SCFD2: variants seen among roughly 807,000 people sequenced by gnomAD.
SCFD2 encodes sec1 family domain containing 2.
SCFD2 carries 54 observed loss-of-function variants against 58.9 expected under a neutral mutation model. The observed-to-expected ratio is 0.92, with a 90% CI of 0.74 to 1.15. The LOEUF is 1.15. SCFD2 is among the 50% of genes most tolerant of loss of function. The probability of loss-of-function intolerance (pLI) is 0.00; values close to 1 mark genes in which losing one functional copy is unlikely to be tolerated. For synonymous variants in SCFD2, 321 were observed against 335.9 expected (o/e 0.96, Z 0.49); for missense variants, 805 against 836.6 (o/e 0.96, Z 0.47).
chr4:53,095,597 CAGAT>C (rs1724600077), intron 5 of SCFD2, among the ~76,000 whole-genome samples: 1 of 152,080 alleles, frequency 6.6e-6, no homozygotes, highest in African/African-American at 2.4e-5. Flanking sequence ...AAATGTATGA[CAGAT>C]AATTTCACTC....
At chr4:52,895,215 C>A (rs1159096171) in intron 7 of SCFD2, among the ~76,000 whole-genome samples, 1 of 152,014 alleles carries the variant, frequency 6.6e-6, no homozygotes, top group Non-Finnish European at 1.5e-5. Context: ...TACATGTGCA[C>A]AACGTACAGG....
intron 5 of SCFD2, among the ~76,000 whole-genome samples, chr4:53,093,969 C>A (rs971848667): frequency 2.0e-5 from 3 of 151,980 alleles, no homozygotes; most frequent in African/African-American, 4.8e-5. Flanking sequence ...TTGAAATTTT[C>A]TTTAATATTT....
chr4:52,992,980 G>C (rs1215998985), intron 5 of SCFD2, among the ~76,000 whole-genome samples: 1 of 151,906 alleles, frequency 6.6e-6, no homozygotes, highest in Admixed American at 6.6e-5. Flanking sequence ...AAAAGATAGA[G>C]AAATCAGATT....
chr4:53,034,645 T>C (rs955438561), intron 5 of SCFD2, among the ~76,000 whole-genome samples: 6 of 152,192 alleles, frequency 3.9e-5, no homozygotes, highest in East Asian at 1.9e-4. Context: ...ACAAAATCAA[T>C]GTGCAAAGAT....
chr4:52,973,427 G>C (rs1301041384), intron 5 of SCFD2, among the ~76,000 whole-genome samples: 1 of 152,172 alleles, frequency 6.6e-6, no homozygotes, highest in African/African-American at 2.4e-5. Context: ...AGAAGACATG[G>C]ATAAATTCCT....
intron 5 of SCFD2, among the ~76,000 whole-genome samples, chr4:53,006,769 C>T (rs1721977938): frequency 1.3e-5 from 2 of 152,110 alleles, no homozygotes; most frequent in Admixed American, 6.5e-5. Flanking sequence ...ACATGTAAAA[C>T]TCATTTTCAT....
chr4:53,273,572 AGGTTAGTCCAAT>A, intron 4 of SCFD2: 1 of 318,616 alleles, frequency 3.1e-6, no homozygotes, highest in Non-Finnish European at 5.7e-6. Context: ...AGGTGTCCAG[AGGTTAGTCCAAT>A]GCTCAAAAAA....
intron 5 of SCFD2, among the ~76,000 whole-genome samples, chr4:52,932,590 A>C (rs1720024511): frequency 6.6e-6 from 1 of 152,008 alleles, no homozygotes; most frequent in African/African-American, 2.4e-5. Flanking sequence ...ATATGGGATT[A>C]TTTTCTGATC....
chr4:53,227,017 C>T (rs1481263228), intron 4 of SCFD2, among the ~76,000 whole-genome samples: 1 of 152,154 alleles, frequency 6.6e-6, no homozygotes, highest in African/African-American at 2.4e-5. Context: ...TGTCCTGGAC[C>T]TTCTCATCCT....
At chr4:53,254,822 T>C (rs1730538909) in intron 4 of SCFD2, among the ~76,000 whole-genome samples, 1 of 133,162 alleles carries the variant, frequency 7.5e-6, no homozygotes, top group African/African-American at 3.2e-5. Flanking sequence ...TTTATTTTAT[T>C]TTATTTTATT....
intron 5 of SCFD2, among the ~76,000 whole-genome samples, chr4:53,089,932 A>G (rs146222098): frequency 1.3e-5 from 2 of 152,324 alleles, no homozygotes; most frequent in Non-Finnish European, 2.9e-5. Flanking sequence ...CTCAACCATT[A>G]AAAGGAAATT....
At chr4:53,341,184 A>G (rs1286995711) in intron 2 of SCFD2, among the ~76,000 whole-genome samples, 1 of 152,244 alleles carries the variant, frequency 6.6e-6, no homozygotes, top group Non-Finnish European at 1.5e-5. Context: ...GTTCGAAACC[A>G]TCACAAAGAA....
chr4:53,169,016 T>C (rs1049481992), intron 4 of SCFD2, among the ~76,000 whole-genome samples: 1 of 152,250 alleles, frequency 6.6e-6, no homozygotes, highest in African/African-American at 2.4e-5. Context: ...GCTTGGCTTA[T>C]TTCACTTGAC....
In SCFD2 at chr4:52,873,812, G is replaced by A; in HGVS notation, c.*157C>T. 1.1e-5 allele frequency: 5 copies of A among 436,200 alleles called. No homozygotes were observed. The highest frequency in any genetic ancestry group is 7.4e-5 in the Admixed American group (2 of 27,164). The allele number at this position is 436,200 out of a possible 1,614,324, so 27.0% of individuals were successfully genotyped here. On this transcript the variant is annotated 3_prime_UTR_variant, in exon 9 of 9. Coordinates refer to ENST00000401642, the MANE Select transcript of SCFD2 (RefSeq NM_152540.4). The stretch of plus-strand genomic sequence containing the variant: ...TAAGAATCACAGCAATCCAAGCAAA[G>A]TACCTCACTGAGTAGGTATCAAGAC...
At position 52,888,410 on chromosome 4, in the gene SCFD2, G is replaced by A. The variant is rs1157426897; in HGVS notation, c.1843-2544C>T. Among the ~76,000 whole-genome samples, 10 of 152,214 alleles carry A rather than the reference G, an allele frequency of 6.6e-5. No homozygotes were observed. In the South Asian group the frequency reaches 8.3e-4, roughly 13 times the overall value. On this transcript the variant is annotated intron_variant, in intron 7 of 8. Transcript: ENST00000401642. ...CATCTTTAGAAAAAGACTCAAGTCC[G>A]CATCCTGCTCTGCACCTCTGTTTCC... is the stretch of plus-strand genomic sequence containing the variant.
intron 4 of SCFD2, among the ~76,000 whole-genome samples, chr4:53,193,890 C>T (rs998939189): frequency 1.3e-5 from 2 of 152,172 alleles, no homozygotes; most frequent in Admixed American, 6.5e-5. Flanking sequence ...TCCTACCTCA[C>T]CCCTTCCCAA....
At chr4:52,928,982 C>A (rs1162494492) in intron 5 of SCFD2, among the ~76,000 whole-genome samples, 2 of 152,208 alleles carry the variant, frequency 1.3e-5, no homozygotes, top group African/African-American at 2.4e-5. Context: ...AAATTTCAAA[C>A]AAAGAGCTCC....
intron 5 of SCFD2, among the ~76,000 whole-genome samples, chr4:53,038,726 G>A (rs1722824509): frequency 6.6e-6 from 1 of 150,616 alleles, no homozygotes; most frequent in African/African-American, 2.4e-5. Flanking sequence ...GTGTTGCTCT[G>A]CATTCATAGT....
intron 5 of SCFD2, among the ~76,000 whole-genome samples, chr4:52,958,512 C>A (rs188227196): frequency 1.7e-4 from 26 of 152,268 alleles, no homozygotes; most frequent in Non-Finnish European, 3.2e-4. Flanking sequence ...TCATGACTGG[C>A]CTTTCATTAC....
Sources: gnomAD v4.1 joint callset for allele counts (sites outside exome capture counted in the v4.1 genomes callset) on GRCh38, gnomAD v4.1.1 for gene constraint, MANE v1.5 for transcripts, NCBI Gene and HGNC (gene_info 2026-07-23, HGNC 2026-07-21) for gene names.